Variants in RHBDL2 observed in about 807,000 individuals in gnomAD.
RHBDL2 encodes rhomboid like 2, also known as rhomboid-related protein 2.
RHBDL2 carries 26 observed loss-of-function variants against 31.7 expected under a neutral mutation model. The observed-to-expected ratio is 0.82, with a 90% CI of 0.60 to 1.14. The LOEUF is 1.14. RHBDL2 is among the 50% of genes most tolerant of loss of function. The probability of loss-of-function intolerance (pLI) is 0.00; values close to 1 mark genes in which losing one functional copy is unlikely to be tolerated. For synonymous variants in RHBDL2, 123 were observed against 127.2 expected, an observed-to-expected ratio of 0.97 and a Z score of 0.22; for missense variants, 336 against 364.4, an observed-to-expected ratio of 0.92 and a Z score of 0.63.
At chr1:38,933,615 C>A (rs564872490) in intron 1 of RHBDL2, among the ~76,000 whole-genome samples, 2 of 152,266 alleles carry the variant, frequency 1.3e-5, no homozygotes, top group African/African-American at 4.8e-5. Context: ...AATTCTGCCC[C>A]TGCTTACCTA....
At position 38,899,477 on chromosome 1, in the gene RHBDL2, A is replaced by G. The variant is rs567576670; in HGVS notation, c.509-3408T>C. Among the ~76,000 whole-genome samples, 8 of 152,310 alleles carry G rather than the reference A, an allele frequency of 5.3e-5. No homozygotes were observed. In the East Asian group the frequency reaches 1.2e-3, roughly 22 times the overall value. On this transcript the variant is annotated intron_variant, in intron 4 of 7. Transcript: ENST00000372990. ...GTGTTTGGTGAGCCCAAGAGTGCTC[A>G]GCCTTCACTGTCCTCCCTAACAGGC...
Position 38,893,159 on chromosome 1 carries a change from C to T in RHBDL2, c.670+5G>A, listed in dbSNP as rs191663296. The T allele has an allele frequency of 1.6e-4, 246 of 1,529,168 alleles. No homozygotes were observed. Among genetic ancestry groups the T allele is most frequent in the Non-Finnish European group, 2.0e-4 (219 of 1,104,112 alleles). 94.7% of individuals were successfully genotyped at this position (1,529,168 alleles called of 1,614,324 possible). The stretch of plus-strand genomic sequence containing the variant: ...CAGTATGAAGTATTCACAAAACACA[C>T]TTACTTATCAGGATGATGATCAGCA... On this transcript the variant is annotated splice_donor_5th_base_variant and intron_variant, in intron 6 of 7. Coordinates refer to ENST00000372990, the MANE Select transcript of RHBDL2 (RefSeq NM_017821.5).
chr1:38,937,702 G>C (rs1007618325), intron 1 of RHBDL2, among the ~76,000 whole-genome samples: 5 of 150,652 alleles, frequency 3.3e-5, no homozygotes, highest in Non-Finnish European at 5.9e-5. Context: ...GAAAGCACAA[G>C]GTATTGCAAG....
chr1:38,921,826 C>T (rs1643319406), intron 1 of RHBDL2, among the ~76,000 whole-genome samples: 1 of 152,118 alleles, frequency 6.6e-6, no homozygotes. Context: ...GACAAAACTA[C>T]AATGTGGATT....
At chr1:38,908,531 A>C (rs915277892) in intron 4 of RHBDL2, among the ~76,000 whole-genome samples, 1 of 151,610 alleles carries the variant, frequency 6.6e-6, no homozygotes, top group Non-Finnish European at 1.5e-5. Context: ...AAAAAAAAAA[A>C]AAAAAACCAT....
intron 4 of RHBDL2, among the ~76,000 whole-genome samples, chr1:38,908,061 G>A (rs1046968466): frequency 6.7e-6 from 1 of 149,078 alleles, no homozygotes; most frequent in African/African-American, 2.5e-5. Flanking sequence ...TTAGAAAATG[G>A]GCAAAAAACA....
At chr1:38,900,963 G>C (rs187136541) in intron 4 of RHBDL2, among the ~76,000 whole-genome samples, 1 of 151,442 alleles carries the variant, frequency 6.6e-6, no homozygotes, top group Non-Finnish European at 1.5e-5. Flanking sequence ...CAGGAGCACC[G>C]CTTGAACCCA....
rs189504510 is a variant in RHBDL2 at position 38,888,890 on chromosome 1, T to C, written c.671-866A>G. ...TGTGTTTTCCAACTACCAACTGTGG[T>C]AAAGTTGTTTCCAACAACTTTGTTT... On this transcript the variant is annotated intron_variant, in intron 6 of 7. Coordinates refer to ENST00000372990, the MANE Select transcript of RHBDL2 (RefSeq NM_017821.5). Among the ~76,000 whole-genome samples, 5 of 152,328 alleles carry C rather than the reference T, an allele frequency of 3.3e-5. No homozygotes were observed. In the East Asian group the frequency reaches 9.6e-4, roughly 29 times the overall value.
At chr1:38,929,403 CT>C (rs1345789731) in intron 1 of RHBDL2, 21 of 1,289,286 alleles carry the variant, frequency 1.6e-5, no homozygotes, top group African/African-American at 7.6e-5. Context: ...ACCTTCCCTT[CT>C]TCGCCTCACC....
At chr1:38,890,524 T>A (rs1642841123) in intron 6 of RHBDL2, among the ~76,000 whole-genome samples, 1 of 152,180 alleles carries the variant, frequency 6.6e-6, no homozygotes, top group South Asian at 2.1e-4. Context: ...TCTTGCCCCT[T>A]CCTATATCTG....
At chr1:38,940,137 T>C (rs892119139) in intron 1 of RHBDL2, among the ~76,000 whole-genome samples, 8 of 152,120 alleles carry the variant, frequency 5.3e-5, no homozygotes, top group Non-Finnish European at 8.8e-5. Context: ...TCCCCATCTA[T>C]AAAATAGGGT....
At position 38,919,339 on chromosome 1, in the gene RHBDL2, T is replaced by C; in HGVS notation, c.-125-2A>G. On this transcript the variant is annotated splice_acceptor_variant, in intron 1 of 7. Transcript: ENST00000372990. LOFTEE classifies it low-confidence loss of function (5UTR_SPLICE). The stretch of plus-strand genomic sequence containing the variant: ...AACGACTGCTTTCCAAGGCCTTTCC[T>C]GTATGTGAAGAGAAGACAGCTGAAG... The C allele has an allele frequency of 6.3e-7, 1 of 1,587,580 alleles. No individual in the cohort carries two copies. The highest frequency in any genetic ancestry group is 1.1e-5 in the South Asian group (1 of 88,554).
chr1:38,892,529 C>T (rs1009683672), intron 6 of RHBDL2, among the ~76,000 whole-genome samples: 9 of 152,254 alleles, frequency 5.9e-5, no homozygotes, highest in Admixed American at 3.9e-4. Flanking sequence ...AAAACTCCTT[C>T]GTTTACTTCT....
At chr1:38,920,624 T>TTTTTA (rs1643300259) in intron 1 of RHBDL2, among the ~76,000 whole-genome samples, 2 of 138,256 alleles carry the variant, frequency 1.4e-5, no homozygotes, top group African/African-American at 5.1e-5. Context: ...TTTTTTTTTT[T>TTTTTA]GAGACAGAGT....
At chr1:38,939,147 G>A (rs1043055804) in intron 1 of RHBDL2, among the ~76,000 whole-genome samples, 2 of 152,212 alleles carry the variant, frequency 1.3e-5, no homozygotes, top group Non-Finnish European at 2.9e-5. Context: ...AATCAGGGAA[G>A]GAGTCTGGAT....
intron 3 of RHBDL2, 98 bp downstream of exon 3, chr1:38,915,464 A>G (rs1643219693): frequency 1.6e-6 from 2 of 1,244,914 alleles, no homozygotes; most frequent in Middle Eastern, 2.1e-4. Context: ...GATTATGGAC[A>G]TGAAAGTGCC....
intron 2 of RHBDL2, among the ~76,000 whole-genome samples, chr1:38,918,556 T>C (rs967493022): frequency 1.3e-5 from 2 of 152,204 alleles, no homozygotes; most frequent in African/African-American, 4.8e-5. Flanking sequence ...TTTTTCCTAC[T>C]GAAATTCAGA....
chr1:38,915,773 C>A, intron 2 of RHBDL2, 63 bp from the exon 3 acceptor site: 1 of 1,534,216 alleles, frequency 6.5e-7, no homozygotes, highest in Non-Finnish European at 9.0e-7. Context: ...CCCATCCAAG[C>A]CCGTGGGCAG....
intron 5 of RHBDL2, among the ~76,000 whole-genome samples, chr1:38,895,363 GA>G (rs556596993): frequency 4.0e-5 from 6 of 151,892 alleles, no homozygotes; most frequent in Non-Finnish European, 5.9e-5. Flanking sequence ...AAAAAGGGCT[GA>G]AAAAAATATA....
Sources: gnomAD v4.1 joint callset for allele counts (sites outside exome capture counted in the v4.1 genomes callset) on GRCh38, gnomAD v4.1.1 for gene constraint, MANE v1.5 for transcripts, NCBI Gene and HGNC (gene_info 2026-07-23, HGNC 2026-07-21) for gene names.